Variants in ABL2 observed in about 807,000 individuals in gnomAD.
The protein encoded by ABL2 is tyrosine-protein kinase ABL2.
ABL2 carries 49 observed loss-of-function variants against 107.7 expected under a neutral mutation model. The ratio of observed to expected loss-of-function variants is 0.45; its 90% confidence interval spans 0.36 to 0.58. The LOEUF (loss-of-function observed/expected upper bound fraction) is 0.58, where lower values mean the gene tolerates loss of function less well. Ranked by LOEUF, ABL2 falls within the 20% of genes least tolerant of loss-of-function variation. The pLI is 0.00. For synonymous variants in ABL2, 549 were observed against 548.6 expected, an observed-to-expected ratio of 1.00 and a Z score of -0.01; for missense variants, 1,245 against 1,457.0, an observed-to-expected ratio of 0.85 and a Z score of 2.37.
rs1439090924 is a variant in ABL2, at chr1:179,107,589, T to TC, written c.*128dup. 1 of 1,466,328 alleles carries TC rather than the reference T, an allele frequency of 6.8e-7. No homozygotes were observed. Among genetic ancestry groups the TC allele is most frequent in the Non-Finnish European group, 9.0e-7 (1 of 1,105,488 alleles). 90.8% of individuals were successfully genotyped at this position (1,466,328 alleles called of 1,614,324 possible). On this transcript the variant is annotated 3_prime_UTR_variant, in exon 12 of 12. Coordinates refer to ENST00000502732, the MANE Select transcript of ABL2 (RefSeq NM_007314.4). ...AACTGTAAACGTGAGAACTCAGGGA[T>TC]CTGAGGTACTTCACATAAACACACT...
chr1:179,201,147 G>A (rs1200609350), intron 1 of ABL2, among the ~76,000 whole-genome samples: 2 of 152,140 alleles, frequency 1.3e-5, no homozygotes, highest in East Asian at 3.9e-4. Flanking sequence ...GGCCAACCTT[G>A]CAAGCAGACC....
intron 1 of ABL2, among the ~76,000 whole-genome samples, chr1:179,227,701 T>C (rs1663296799): frequency 6.6e-6 from 1 of 152,204 alleles, no homozygotes; most frequent in Admixed American, 6.5e-5. Context: ...GATTAGCTCA[T>C]ATATCACCTT....
chr1:179,155,255 T>C (rs28914499), intron 1 of ABL2, among the ~76,000 whole-genome samples: 1 of 152,202 alleles, frequency 6.6e-6, no homozygotes, highest in African/African-American at 2.4e-5. Flanking sequence ...CATCTGCCTA[T>C]ACACGTGATG....
chr1:179,130,103 C>T (rs984154625), intron 3 of ABL2, among the ~76,000 whole-genome samples: 14 of 152,154 alleles, frequency 9.2e-5, no homozygotes, highest in African/African-American at 3.4e-4. Flanking sequence ...CTACACACGG[C>T]TAATGTCTTT....
At chr1:179,131,285 G>T (rs759398428) in intron 3 of ABL2, 26 bp downstream of exon 3, 1 of 1,602,770 alleles carries the variant, frequency 6.2e-7, no homozygotes, top group Admixed American at 1.7e-5. Context: ...ACTGAAAAGT[G>T]AAAGGATGCT....
intron 1 of ABL2, among the ~76,000 whole-genome samples, chr1:179,203,177 AAAGG>A (rs1244383836): frequency 1.3e-5 from 2 of 152,220 alleles, no homozygotes; most frequent in East Asian, 3.8e-4. Flanking sequence ...TCAGAGAAGT[AAAGG>A]AAGAATGTAG....
chr1:179,138,400 G>C (rs1657240129), intron 1 of ABL2, among the ~76,000 whole-genome samples: 1 of 152,142 alleles, frequency 6.6e-6, no homozygotes, highest in Non-Finnish European at 1.5e-5. Context: ...CGCCCAGCCT[G>C]TTTAATTATT....
intron 3 of ABL2, among the ~76,000 whole-genome samples, chr1:179,130,096 C>T (rs1656143248): frequency 2.0e-5 from 3 of 152,234 alleles, no homozygotes; most frequent in Admixed American, 2.0e-4. Flanking sequence ...CATGCCGCTA[C>T]ACACGGCTAA....
At chr1:179,210,858 AAATAAT>A (rs1022649807) in intron 1 of ABL2, among the ~76,000 whole-genome samples, 1 of 151,860 alleles carries the variant, frequency 6.6e-6, no homozygotes, top group Admixed American at 6.6e-5. Context: ...TGTCTCAAAA[AAATAAT>A]AATAATAAAT....
rs545206677 is a variant in ABL2 at position 179,117,554 on chromosome 1, T to G, written c.1224-38A>C. 5.6e-6 allele frequency: 9 copies of G among 1,607,324 alleles called. No individual in the cohort carries two copies. In the African/African-American group the frequency reaches 1.2e-4, roughly 21 times the overall value. On this transcript the variant is annotated intron_variant, in intron 7 of 11. Transcript: ENST00000502732. ...GAACCCTAATGTGATTCCATTCAGA[T>G]GGTGAGGAAAATGGTCATGAACACT...
chr1:179,196,515 T>G (rs1302599543), intron 1 of ABL2: 1 of 152,192 alleles, frequency 6.6e-6, no homozygotes, highest in Non-Finnish European at 1.5e-5. Context: ...CCAGTGACCC[T>G]CTCAGGAAGT....
chr1:179,229,199 G>T (rs766689781), intron 1 of ABL2, 42 bp downstream of exon 1: 12 of 193,936 alleles, frequency 6.2e-5, no homozygotes, highest in Non-Finnish European at 8.5e-5. Context: ...CCCCACCCCC[G>T]GCCTCCCCCA....
intron 1 of ABL2, among the ~76,000 whole-genome samples, chr1:179,196,790 A>C (rs1237920990): frequency 6.6e-6 from 1 of 152,066 alleles, no homozygotes; most frequent in Admixed American, 6.6e-5. Flanking sequence ...AAAAAACAAA[A>C]AAAAAAACCC....
In ABL2 at chr1:179,143,407, TAG is replaced by T. The variant is rs369180261; in HGVS notation, c.158-10035_158-10034del. Among the ~76,000 whole-genome samples, 336 of 152,310 alleles carry T rather than the reference TAG, an allele frequency of 2.2e-3. 2 individuals are homozygous for T. The highest frequency in any genetic ancestry group is 7.5e-3 in the African/African-American group (310 of 41,572). On this transcript the variant is annotated intron_variant, in intron 1 of 11. Coordinates refer to ENST00000502732, the MANE Select transcript of ABL2 (RefSeq NM_007314.4). ...TTATAGGGAGATGATGAGGTGAGACTAGAGAGAAAAGTTTCCTTGGAGAAAAT... is the reference window on the plus strand; with the variant it reads ...TTATAGGGAGATGATGAGGTGAGACTAGAGAAAAGTTTCCTTGGAGAAAAT...
At position 179,105,554 on chromosome 1, in the gene ABL2, T is replaced by G. The variant is rs957923335; in HGVS notation, c.*2164A>C. The G allele has an allele frequency of 4.4e-6, 1 of 229,158 alleles. No individual in the cohort carries two copies. The highest frequency in any genetic ancestry group is 2.2e-5 in the African/African-American group (1 of 45,062). 14.2% of individuals were successfully genotyped at this position (229,158 alleles called of 1,614,324 possible). The stretch of plus-strand genomic sequence containing the variant: ...CGCTGGTTTTTACATCTGAGTTCTC[T>G]TCCAACCACTAGGAGGAGATGAACC... On this transcript the variant is annotated 3_prime_UTR_variant, in exon 12 of 12. Transcript: ENST00000502732.
intron 3 of ABL2, chr1:179,131,100 C>T (rs1194022545): frequency 2.7e-6 from 1 of 364,824 alleles, no homozygotes; most frequent in African/African-American, 2.1e-5. Flanking sequence ...GCTACCACGC[C>T]TGACTAATTT....
chr1:179,190,618 G>T (rs1253663754), intron 1 of ABL2, among the ~76,000 whole-genome samples: 2 of 152,010 alleles, frequency 1.3e-5, no homozygotes, highest in African/African-American at 2.4e-5. Context: ...GGGATGGAGG[G>T]GGGTGAGGGG....
At chr1:179,169,058 G>A (rs1030934044) in intron 1 of ABL2, among the ~76,000 whole-genome samples, 1 of 152,092 alleles carries the variant, frequency 6.6e-6, no homozygotes, top group African/African-American at 2.4e-5. Context: ...AGTGTTAAAA[G>A]ACCCCAGAAT....
intron 5 of ABL2, among the ~76,000 whole-genome samples, chr1:179,120,768 G>C (rs1655116271): frequency 6.6e-6 from 1 of 152,092 alleles, no homozygotes; most frequent in African/African-American, 2.4e-5. Flanking sequence ...AAATGCCCTG[G>C]AGTAAAAATT....
Sources: gnomAD v4.1 joint callset for allele counts (sites outside exome capture counted in the v4.1 genomes callset) on GRCh38, gnomAD v4.1.1 for gene constraint, MANE v1.5 for transcripts, NCBI Gene and HGNC (gene_info 2026-07-23, HGNC 2026-07-21) for gene names.